The following PARD3 variants were observed in gnomAD, a reference collection of about 807,000 sequenced individuals.
PARD3 encodes the protein partitioning defective 3 homolog.
A neutral mutation model predicts 155.4 loss-of-function variants in PARD3; 75 were observed. That is an observed-to-expected ratio of 0.48 (90% CI 0.40 to 0.58). The LOEUF is 0.58. PARD3 is among the 20% of genes least tolerant of loss of function. PARD3 has a pLI of 0.00. For synonymous variants in PARD3, 576 were observed against 610.5 expected, an observed-to-expected ratio of 0.94 and a Z score of 0.83; for missense variants, 1,642 against 1,721.7, an observed-to-expected ratio of 0.95 and a Z score of 0.82.
intron 22 of PARD3, among the ~76,000 whole-genome samples, chr10:34,180,935 G>A (rs1005092872): frequency 1.3e-5 from 2 of 152,094 alleles, no homozygotes; most frequent in African/African-American, 2.4e-5. Context: ...CACCCAATGC[G>A]CTTGTGGAAC....
intron 1 of PARD3, among the ~76,000 whole-genome samples, chr10:34,708,917 T>C (rs2044401790): frequency 6.6e-6 from 1 of 152,130 alleles, no homozygotes; most frequent in Non-Finnish European, 1.5e-5. Context: ...TGATAATAGC[T>C]TTGTGGATAT....
chr10:34,603,188 G>T (rs999528621), intron 2 of PARD3, among the ~76,000 whole-genome samples: 3 of 152,170 alleles, frequency 2.0e-5, no homozygotes, highest in African/African-American at 7.2e-5. Flanking sequence ...CTGGCTGACA[G>T]GTTGTCAAAA....
chr10:34,736,638 CTTTA>C (rs144845769), intron 1 of PARD3, among the ~76,000 whole-genome samples: 2 of 136,446 alleles, frequency 1.5e-5, no homozygotes, highest in Non-Finnish European at 3.1e-5. Context: ...AAATAGGTTA[CTTTA>C]TTAATTAATT....
intron 7 of PARD3, among the ~76,000 whole-genome samples, chr10:34,387,599 T>C (rs1176160778): frequency 3.3e-5 from 5 of 152,122 alleles, no homozygotes; most frequent in Non-Finnish European, 1.5e-5. Context: ...GTTTGTTTTG[T>C]AGACTTGGGT....
At chr10:34,479,262 C>T (rs2078912257) in intron 3 of PARD3, among the ~76,000 whole-genome samples, 2 of 150,828 alleles carry the variant, frequency 1.3e-5, no homozygotes, top group South Asian at 2.1e-4. Flanking sequence ...CCCGGGTTCA[C>T]GCCATTCTCC....
intron 1 of PARD3, among the ~76,000 whole-genome samples, chr10:34,769,798 ACAAAAC>A (rs1564601166): frequency 5.2e-5 from 1 of 19,076 alleles, no homozygotes; most frequent in African/African-American, 8.9e-5. Context: ...GAACAAAAAA[ACAAAAC>A]AAAAAAAAAA....
intron 2 of PARD3, among the ~76,000 whole-genome samples, chr10:34,619,057 C>CT (rs1378531714): frequency 0.026 from 3,441 of 131,800 alleles, 131 homozygotes; most frequent in African/African-American, 0.083. Context: ...TTTTTTTTTT[C>CT]TTTTTTTTTT....
In PARD3 at chr10:34,157,305, C is replaced by G. The variant is rs7478379; in HGVS notation, c.3420-25722G>C. 2.7e-4 allele frequency among the ~76,000 whole-genome samples: 41 copies of G among 152,094 alleles called. 1 individual carries two copies. Among genetic ancestry groups the G allele is most frequent in the African/African-American group, 9.2e-4 (38 of 41,412 alleles). On this transcript the variant is annotated intron_variant, in intron 22 of 24. Coordinates refer to ENST00000374788, the MANE Select transcript of PARD3 (RefSeq NM_001184785.2). ...GCTCAGCTGTCTTAGATTCATGCTG[C>G]GTTGTAGCTGTTTGTTTACTGGACT...
At chr10:34,618,961 C>A (rs879409786) in intron 2 of PARD3, among the ~76,000 whole-genome samples, 2 of 152,076 alleles carry the variant, frequency 1.3e-5, no homozygotes, top group Non-Finnish European at 2.9e-5. Context: ...GAGCACACCT[C>A]GTGATTCTTA....
chr10:34,328,641 C>T (rs1835296330), intron 19 of PARD3, among the ~76,000 whole-genome samples: 1 of 152,134 alleles, frequency 6.6e-6, no homozygotes, highest in Non-Finnish European at 1.5e-5. Flanking sequence ...TCACAACACA[C>T]CAGTTGAAAG....
intron 3 of PARD3, among the ~76,000 whole-genome samples, chr10:34,510,611 T>TG (rs1380559037): frequency 6.6e-6 from 1 of 151,778 alleles, no homozygotes; most frequent in Non-Finnish European, 1.5e-5. Flanking sequence ...CTATATGGAG[T>TG]GGGGGAAAAA....
At chr10:34,653,304 C>T (rs1429423642) in intron 2 of PARD3, among the ~76,000 whole-genome samples, 5 of 152,100 alleles carry the variant, frequency 3.3e-5, no homozygotes, top group Admixed American at 3.3e-4. Flanking sequence ...CCTTCTAGAG[C>T]CCCTGACTCA....
chr10:34,674,205 G>A (rs1165199172), intron 2 of PARD3, among the ~76,000 whole-genome samples: 1 of 152,150 alleles, frequency 6.6e-6, no homozygotes, highest in Non-Finnish European at 1.5e-5. Flanking sequence ...TGTATAAAAA[G>A]CACCTCTCCA....
intron 22 of PARD3, among the ~76,000 whole-genome samples, chr10:34,213,987 C>A (rs1951880386): frequency 6.6e-6 from 1 of 152,098 alleles, no homozygotes; most frequent in Admixed American, 6.5e-5. Flanking sequence ...CCTTGAACTT[C>A]TGGGCTCAGG....
intron 16 of PARD3, among the ~76,000 whole-genome samples, chr10:34,338,289 GTGGT>G (rs1836416856): frequency 6.6e-6 from 1 of 152,226 alleles, no homozygotes; most frequent in South Asian, 2.1e-4. Context: ...TCCAACGCAA[GTGGT>G]TGAAGATGTC....
chr10:34,727,024 T>C (rs1423122090), intron 1 of PARD3, among the ~76,000 whole-genome samples: 3 of 151,934 alleles, frequency 2.0e-5, no homozygotes, highest in African/African-American at 7.3e-5. Context: ...ACCTGTAAAA[T>C]AAAGGGGAAG....
intron 22 of PARD3, among the ~76,000 whole-genome samples, chr10:34,205,500 CA>C (rs1304217789): frequency 6.6e-6 from 1 of 152,148 alleles, no homozygotes; most frequent in Admixed American, 6.5e-5. Context: ...TATCAGTTTT[CA>C]GAAGTCAAAT....
chr10:34,374,257 T>C (rs1374042883), intron 11 of PARD3, among the ~76,000 whole-genome samples: 2 of 152,188 alleles, frequency 1.3e-5, no homozygotes, highest in African/African-American at 4.8e-5. Flanking sequence ...TGTATTAATG[T>C]ATGTATGGAA....
chr10:34,331,993 T>A (rs1835667828), intron 18 of PARD3, among the ~76,000 whole-genome samples: 1 of 152,106 alleles, frequency 6.6e-6, no homozygotes, highest in African/African-American at 2.4e-5. Context: ...GGAAACAGAT[T>A]ACATAAGGGC....
Sources: allele counts gnomAD v4.1 joint callset (sites outside exome capture counted in the v4.1 genomes callset), GRCh38; gene constraint gnomAD v4.1.1; transcripts MANE v1.5; gene names NCBI Gene and HGNC (gene_info 2026-07-23, HGNC 2026-07-21).